DAB1: variants seen among roughly 807,000 people sequenced by gnomAD.
The protein encoded by DAB1 is DAB adaptor protein 1.
DAB1 carries 15 observed loss-of-function variants against 64.6 expected under a neutral mutation model. That is an observed-to-expected ratio of 0.23 (90% CI 0.16 to 0.36). The LOEUF (loss-of-function observed/expected upper bound fraction) is 0.36, where lower values mean the gene tolerates loss of function less well. Ranked by LOEUF, DAB1 falls within the 10% of genes least tolerant of loss-of-function variation. The pLI is 1.00. For missense variants in DAB1, 596 were observed against 706.7 expected, an observed-to-expected ratio of 0.84 and a Z score of 1.78; for synonymous variants, 235 against 251.9, an observed-to-expected ratio of 0.93 and a Z score of 0.64.
chr1:58,494,980 T>C (rs1336302184), intron 3 of DAB1, among the ~76,000 whole-genome samples: 1 of 152,192 alleles, frequency 6.6e-6, no homozygotes, highest in Admixed American at 6.5e-5. Flanking sequence ...GTATGTTTAT[T>C]GCAGCACTAT....
intron 1 of DAB1, among the ~76,000 whole-genome samples, chr1:57,359,575 A>G (rs1371863642): frequency 2.0e-5 from 3 of 152,054 alleles, no homozygotes; most frequent in Non-Finnish European, 4.4e-5. Flanking sequence ...TGATCCAGCA[A>G]TCTCACCACT....
At chr1:57,956,352 G>A (rs537070332) in intron 5 of DAB1, among the ~76,000 whole-genome samples, 1 of 152,296 alleles carries the variant, frequency 6.6e-6, no homozygotes, top group Admixed American at 6.5e-5. Context: ...AACTCTATAT[G>A]AGAGGGATTC....
chr1:58,258,586 T>C (rs889645087), intron 4 of DAB1, among the ~76,000 whole-genome samples: 24 of 152,308 alleles, frequency 1.6e-4, no homozygotes, highest in African/African-American at 5.8e-4. Flanking sequence ...CTGTGGGCTA[T>C]GGCTTGAGAA....
chr1:57,054,432 A>G (rs1388991522), intron 9 of DAB1, among the ~76,000 whole-genome samples: 1 of 145,864 alleles, frequency 6.9e-6, no homozygotes, highest in Non-Finnish European at 1.5e-5. Context: ...CAGTAATGGG[A>G]CGCTTAGCAG....
intron 7 of DAB1, among the ~76,000 whole-genome samples, chr1:57,617,157 G>C (rs774181302): frequency 2.6e-5 from 4 of 152,220 alleles, no homozygotes; most frequent in African/African-American, 7.2e-5. Context: ...GCTGCTGTGA[G>C]TGTCAGCTGC....
intron 3 of DAB1, among the ~76,000 whole-genome samples, chr1:58,381,463 T>C (rs1480095037): frequency 6.6e-6 from 1 of 152,218 alleles, no homozygotes. Flanking sequence ...AAGGCCTGTT[T>C]GGCTGCTATA....
chr1:57,193,391 T>TTTTTTTG (rs1362149889), intron 2 of DAB1, among the ~76,000 whole-genome samples: 1 of 134,688 alleles, frequency 7.4e-6, no homozygotes, highest in Non-Finnish European at 1.6e-5. Context: ...GTTTTTTTTT[T>TTTTTTTG]TTTTTTTTTT....
chr1:58,355,613 C>T (rs1644103180), intron 3 of DAB1, among the ~76,000 whole-genome samples: 1 of 151,812 alleles, frequency 6.6e-6, no homozygotes, highest in African/African-American at 2.4e-5. Flanking sequence ...CCACTCCTTT[C>T]CTGGTAGGCT....
intron 1 of DAB1, among the ~76,000 whole-genome samples, chr1:57,309,210 G>A (rs1278190407): frequency 2.0e-5 from 3 of 152,082 alleles, no homozygotes; most frequent in Non-Finnish European, 4.4e-5. Context: ...TAGAAAGATC[G>A]AATGCTTTGC....
At chr1:58,455,098 G>A (rs1252627036) in intron 3 of DAB1, among the ~76,000 whole-genome samples, 1 of 152,240 alleles carries the variant, frequency 6.6e-6, no homozygotes, top group Non-Finnish European at 1.5e-5. Flanking sequence ...TCCAGCAGCC[G>A]CTCTGAGTGA....
chr1:57,620,438 A>C (rs572102574), intron 7 of DAB1, among the ~76,000 whole-genome samples: 1 of 152,344 alleles, frequency 6.6e-6, no homozygotes, highest in East Asian at 1.9e-4. Context: ...GATGAATCTC[A>C]AAAAATGCTT....
At chr1:57,810,659 C>T (rs1651576683) in intron 6 of DAB1, among the ~76,000 whole-genome samples, 1 of 152,150 alleles carries the variant, frequency 6.6e-6, no homozygotes, top group African/African-American at 2.4e-5. Flanking sequence ...CTCCAAAAAG[C>T]ATTCACCAAT....
chr1:58,402,327 C>T (rs1644577452), intron 3 of DAB1, among the ~76,000 whole-genome samples: 1 of 152,212 alleles, frequency 6.6e-6, no homozygotes, highest in African/African-American at 2.4e-5. Context: ...CCTCTCCCAA[C>T]ACCCCCTTAC....
intron 7 of DAB1, among the ~76,000 whole-genome samples, chr1:57,470,654 A>T (rs1268235590): frequency 6.6e-6 from 1 of 152,178 alleles, no homozygotes; most frequent in East Asian, 1.9e-4. Context: ...AATTCAGAAA[A>T]GCAAAGTCTG....
At chr1:57,604,900 C>T (rs1299677085) in intron 7 of DAB1, among the ~76,000 whole-genome samples, 2 of 152,106 alleles carry the variant, frequency 1.3e-5, no homozygotes, top group African/African-American at 4.8e-5. Context: ...TTACCCAGAC[C>T]TGAGACCTTA....
chr1:57,392,771 C>T (rs11588115), intron 1 of DAB1, among the ~76,000 whole-genome samples: 12,968 of 152,178 alleles, frequency 0.085, 743 homozygotes, highest in Non-Finnish European at 0.13. Context: ...GGGAAATAGC[C>T]AGAAGATCAA....
intron 2 of DAB1, among the ~76,000 whole-genome samples, chr1:58,519,009 T>C (rs866535107): frequency 1.7e-4 from 26 of 152,286 alleles, no homozygotes; most frequent in African/African-American, 5.5e-4. Flanking sequence ...GGCAGTATGG[T>C]TCCAGAGTTC....
intron 6 of DAB1, among the ~76,000 whole-genome samples, chr1:57,756,233 C>G (rs2101810585): frequency 6.6e-6 from 1 of 152,236 alleles, no homozygotes; most frequent in Admixed American, 6.5e-5. Flanking sequence ...ACATTGCCCT[C>G]ATTTTTATGT....
intron 5 of DAB1, among the ~76,000 whole-genome samples, chr1:57,930,489 C>A (rs1208639133): frequency 6.6e-6 from 1 of 152,216 alleles, no homozygotes; most frequent in Middle Eastern, 3.2e-3. Flanking sequence ...ATCTTGACAG[C>A]ATTGAGTCTT....
Sources: gnomAD v4.1 joint callset for allele counts (sites outside exome capture counted in the v4.1 genomes callset) on GRCh38, gnomAD v4.1.1 for gene constraint, MANE v1.5 for transcripts, NCBI Gene and HGNC (gene_info 2026-07-23, HGNC 2026-07-21) for gene names.